CFAP77: variants seen among roughly 807,000 people sequenced by gnomAD.
The protein encoded by CFAP77 is cilia and flagella associated protein 77, also known as cilia- and flagella-associated protein 77.
A neutral mutation model predicts 31.1 loss-of-function variants in CFAP77; 25 were observed. The observed-to-expected ratio is 0.80, with a 90% CI of 0.59 to 1.12. CFAP77 has a LOEUF of 1.12. Among genes scored for constraint, CFAP77 ranks in the 50% most tolerant of loss-of-function variants. The pLI is 0.00. For synonymous variants in CFAP77, 151 were observed against 159.9 expected (o/e 0.94, Z 0.42); for missense variants, 377 against 397.3 (o/e 0.95, Z 0.44).
intron 1 of CFAP77, among the ~76,000 whole-genome samples, chr9:132,468,571 TCCCTGACCACTCAAGAGCAGGCCACAG>T (rs1331168108): frequency 1.3e-5 from 2 of 152,096 alleles, no homozygotes; most frequent in African/African-American, 2.4e-5. Context: ...CAGGAAGCCT[TCCCTGACCACTCAAGAGCAGGCCACAG>T]CCCTTGCCCT....
At chr9:132,550,921 A>C (rs900374685) in intron 5 of CFAP77, among the ~76,000 whole-genome samples, 1 of 152,164 alleles carries the variant, frequency 6.6e-6, no homozygotes, top group Non-Finnish European at 1.5e-5. Flanking sequence ...AACTCTGGCA[A>C]AAGTGCAGGT....
chr9:132,500,262 G>A (rs1851820162), intron 3 of CFAP77, among the ~76,000 whole-genome samples: 1 of 152,154 alleles, frequency 6.6e-6, no homozygotes, highest in Admixed American at 6.5e-5. Flanking sequence ...GAGAGGCTCT[G>A]GAGCCTGGGC....
chr9:132,508,395 C>G (rs1851973635), intron 3 of CFAP77, among the ~76,000 whole-genome samples: 3 of 152,084 alleles, frequency 2.0e-5, no homozygotes, highest in Admixed American at 6.5e-5. Context: ...ATCATACATT[C>G]AAGGGAAGGT....
chr9:132,543,398 AGAGGAGGCTGTCCACCTG>A (rs1210715844), intron 5 of CFAP77, among the ~76,000 whole-genome samples: 4 of 152,156 alleles, frequency 2.6e-5, no homozygotes, highest in Admixed American at 1.3e-4. Flanking sequence ...GTCTTCCTGT[AGAGGAGGCTGTCCACCTG>A]GAGGAGGCTG....
intron 1 of CFAP77, among the ~76,000 whole-genome samples, chr9:132,442,521 C>A (rs1850629578): frequency 6.6e-6 from 1 of 152,078 alleles, no homozygotes; most frequent in Non-Finnish European, 1.5e-5. Context: ...CCACTGCATT[C>A]CAGCCTCGGC....
chr9:132,544,052 G>A (rs12115275), intron 5 of CFAP77, among the ~76,000 whole-genome samples: 14,573 of 152,210 alleles, frequency 0.096, 1,282 homozygotes, highest in African/African-American at 0.24. Flanking sequence ...AGGCCCGGCC[G>A]CTGTGCCGCA....
At chr9:132,438,889 T>TTTC (rs1220694996) in intron 1 of CFAP77, among the ~76,000 whole-genome samples, 1 of 151,528 alleles carries the variant, frequency 6.6e-6, no homozygotes, top group Non-Finnish European at 1.5e-5. Context: ...TCTTTTTTTT[T>TTTC]TTCTGAGACG....
intron 3 of CFAP77, among the ~76,000 whole-genome samples, chr9:132,508,243 T>C (rs920929362): frequency 2.0e-5 from 3 of 152,226 alleles, no homozygotes; most frequent in Non-Finnish European, 4.4e-5. Flanking sequence ...GAGTCTGCAG[T>C]GCAGTGATGC....
chr9:132,506,705 C>G (rs1851936332), intron 3 of CFAP77, among the ~76,000 whole-genome samples: 1 of 152,168 alleles, frequency 6.6e-6, no homozygotes, highest in African/African-American at 2.4e-5. Context: ...TACCTCAGGT[C>G]AGACACTGCC....
chr9:132,438,076 A>C (rs1280820454), intron 1 of CFAP77, among the ~76,000 whole-genome samples: 1 of 151,010 alleles, frequency 6.6e-6, no homozygotes, highest in Non-Finnish European at 1.5e-5. Flanking sequence ...GTGGTGGGCT[A>C]CTGTAATCCC....
chr9:132,533,792 A>C (rs1199134755), intron 3 of CFAP77, among the ~76,000 whole-genome samples: 2 of 152,140 alleles, frequency 1.3e-5, no homozygotes, highest in African/African-American at 4.8e-5. Context: ...GAGGAAGGAG[A>C]GTCACTCGAA....
At chr9:132,503,257 C>G (rs574258147) in intron 3 of CFAP77, among the ~76,000 whole-genome samples, 1 of 152,354 alleles carries the variant, frequency 6.6e-6, no homozygotes, top group South Asian at 2.1e-4. Context: ...CTCTTCTCAG[C>G]TCCCAACACA....
intron 1 of CFAP77, among the ~76,000 whole-genome samples, chr9:132,427,694 C>T (rs368880227): frequency 2.9e-4 from 44 of 152,282 alleles, no homozygotes; most frequent in African/African-American, 1.0e-3. Context: ...TCCTGAGAGC[C>T]GTGAGGGAAG....
At chr9:132,474,581 A>G (rs1412273) in intron 1 of CFAP77, among the ~76,000 whole-genome samples, 6,764 of 151,946 alleles carry the variant, frequency 0.045, 568 homozygotes, top group East Asian at 0.36. Flanking sequence ...CCTTAGGACC[A>G]GGGGGGGAAT....
intron 1 of CFAP77, among the ~76,000 whole-genome samples, chr9:132,475,545 C>A (rs965422165): frequency 6.6e-6 from 1 of 152,134 alleles, no homozygotes; most frequent in South Asian, 2.1e-4. Flanking sequence ...TTGAATGCCT[C>A]AGTCAAGGGG....
chr9:132,555,727 C>T (rs1321204447), intron 5 of CFAP77, among the ~76,000 whole-genome samples: 3 of 152,122 alleles, frequency 2.0e-5, no homozygotes, highest in Non-Finnish European at 4.4e-5. Context: ...GCTGACGTGC[C>T]TCCCGCCCTT....
chr9:132,443,406 A>G (rs1472296812), intron 1 of CFAP77, among the ~76,000 whole-genome samples: 1 of 151,888 alleles, frequency 6.6e-6, no homozygotes, highest in Non-Finnish European at 1.5e-5. Context: ...GGCATGTGCT[A>G]CCACACCTGG....
At position 132,521,778 on chromosome 9, in the gene CFAP77, T is replaced by TTTG. The variant is rs1554747341; in HGVS notation, c.525-15821_525-15820insGTT. ...ATAGACTTGCTTTTTTTTTTTTTTTTTTTTTTGAGATGAAGTCTCACTCTG... is the reference window on the plus strand; with the variant it reads ...ATAGACTTGCTTTTTTTTTTTTTTTTTTGTTTTTTGAGATGAAGTCTCACTCTG... On this transcript the variant is annotated intron_variant, in intron 3 of 5. Coordinates refer to ENST00000393216, the MANE Select transcript of CFAP77 (RefSeq NM_001282957.2). Among the ~76,000 whole-genome samples, 11 of 106,118 alleles carry TTTG rather than the reference T, an allele frequency of 1.0e-4. 1 individual carries two copies. The highest frequency in any genetic ancestry group is 1.4e-4 in the Non-Finnish European group (8 of 57,768). The allele number at this position is 106,118 out of a possible 152,430, so 69.6% of individuals were successfully genotyped here. A position where few individuals can be genotyped will look rare whatever the true frequency, so the allele number is the denominator to read the frequency against.
intron 1 of CFAP77, among the ~76,000 whole-genome samples, chr9:132,468,035 C>T (rs1037092663): frequency 1.8e-4 from 27 of 152,098 alleles, no homozygotes; most frequent in African/African-American, 3.4e-4. Context: ...CCTTCAAAGG[C>T]CCCTTGCCTT....
Sources: gnomAD v4.1 joint callset for allele counts (sites outside exome capture counted in the v4.1 genomes callset) on GRCh38, gnomAD v4.1.1 for gene constraint, MANE v1.5 for transcripts, NCBI Gene and HGNC (gene_info 2026-07-23, HGNC 2026-07-21) for gene names.